PLEKHA7: variants seen among roughly 807,000 people sequenced by gnomAD.
The protein encoded by PLEKHA7 is pleckstrin homology domain containing A7, also known as pleckstrin homology domain-containing family A member 7.
PLEKHA7 carries 104 observed loss-of-function variants against 170.0 expected under a neutral mutation model. That is an observed-to-expected ratio of 0.61 (90% CI 0.52 to 0.72). The LOEUF (loss-of-function observed/expected upper bound fraction) is 0.72. PLEKHA7 is among the 30% of genes least tolerant of loss of function. The pLI is 0.00. For synonymous variants in PLEKHA7, 648 were observed against 660.8 expected (o/e 0.98, Z 0.30); for missense variants, 1,615 against 1,671.7 (o/e 0.97, Z 0.59).
Position 16,823,008 on chromosome 11 carries a change from T to TA in PLEKHA7, c.1343+3111_1343+3112insT, listed in dbSNP as rs4030728. Reference sequence around the variant, plus strand: ...TTATTTATTTATTTATTTATTTATTTTTTGGAGACAGGTTTTTGCTCTATC... The same window carrying TA: ...TTATTTATTTATTTATTTATTTATTTATTTGGAGACAGGTTTTTGCTCTATC... On this transcript the variant is annotated intron_variant, in intron 10 of 26. Transcript: ENST00000531066. 5.3e-5 allele frequency among the ~76,000 whole-genome samples: 8 copies of TA among 151,532 alleles called. No individual in the cohort carries two copies. The East Asian group carries it at 1.2e-3, about 22-fold the overall frequency.
intron 3 of PLEKHA7, among the ~76,000 whole-genome samples, chr11:16,906,224 T>TAGGA (rs199992587): frequency 0.085 from 9,834 of 115,848 alleles, 537 homozygotes; most frequent in East Asian, 0.16. Context: ...TAAAATGAGG[T>TAGGA]AGGAAGGAAG....
In PLEKHA7 at chr11:16,789,963, G is replaced by T. The variant is rs1847722946; in HGVS notation, c.3053-85C>A. On this transcript the variant is annotated intron_variant, in intron 21 of 26. Transcript: ENST00000531066. This position sits in a 1 kb window ranked among gnomAD's most constrained non-coding sequence, Gnocchi z 4.6. ...TCCCTCATCACACATTCTTGCAGGA[G>T]TACCAAGAGCACCCAGTCAATGACC... The T allele has an allele frequency of 1.7e-5, 20 of 1,207,362 alleles. No individual in the cohort carries two copies. Among genetic ancestry groups the T allele is most frequent in the Non-Finnish European group, 2.4e-5 (20 of 823,434 alleles). The allele number at this position is 1,207,362 out of a possible 1,614,324, so 74.8% of individuals were successfully genotyped here. A position where few individuals can be genotyped will look rare whatever the true frequency, so the allele number is the denominator to read the frequency against.
intron 3 of PLEKHA7, among the ~76,000 whole-genome samples, chr11:16,896,676 T>C (rs939550951): frequency 4.6e-5 from 7 of 152,298 alleles, no homozygotes; most frequent in South Asian, 2.1e-4. Context: ...TCTAAATCTA[T>C]AAACTGTGCC....
intron 9 of PLEKHA7, among the ~76,000 whole-genome samples, chr11:16,830,191 C>T (rs1189824117): frequency 6.6e-6 from 1 of 151,826 alleles, no homozygotes; most frequent in Non-Finnish European, 1.5e-5. Flanking sequence ...TCTTTGTTGC[C>T]CAGGCTAGTC....
At chr11:16,916,990 G>A (rs765869405) in intron 3 of PLEKHA7, among the ~76,000 whole-genome samples, 4 of 152,246 alleles carry the variant, frequency 2.6e-5, no homozygotes, top group African/African-American at 4.8e-5. Flanking sequence ...AGGCCGAGGC[G>A]GGTGGATCAA....
chr11:16,888,441 T>C (rs1366542856), intron 3 of PLEKHA7, among the ~76,000 whole-genome samples: 1 of 152,310 alleles, frequency 6.6e-6, no homozygotes, highest in African/African-American at 2.4e-5. Context: ...GGTCGGATTG[T>C]TGCTGTGTCT....
At chr11:16,867,483 C>T (rs73425215) in intron 4 of PLEKHA7, among the ~76,000 whole-genome samples, 5,964 of 152,212 alleles carry the variant, frequency 0.039, 376 homozygotes, top group African/African-American at 0.13. Flanking sequence ...GCCAGTTTTC[C>T]TTTTTCCACC....
At chr11:16,901,332 A>G (rs947449154) in intron 3 of PLEKHA7, among the ~76,000 whole-genome samples, 48 of 152,254 alleles carry the variant, frequency 3.2e-4, no homozygotes, top group African/African-American at 1.1e-3. Context: ...TGAGAGCTCA[A>G]TATTTAATTT....
chr11:16,935,172 C>A (rs941217708), intron 3 of PLEKHA7, among the ~76,000 whole-genome samples: 2 of 152,048 alleles, frequency 1.3e-5, no homozygotes, highest in African/African-American at 4.8e-5. Context: ...TGGTGGCTCA[C>A]GCCTGTAATC....
intron 3 of PLEKHA7, among the ~76,000 whole-genome samples, chr11:16,993,702 C>G (rs1864177800): frequency 6.6e-6 from 1 of 152,236 alleles, no homozygotes; most frequent in Non-Finnish European, 1.5e-5. Context: ...GTCATACCCA[C>G]AACCTCAGTT....
At chr11:16,882,180 A>G (rs1465355102) in intron 3 of PLEKHA7, among the ~76,000 whole-genome samples, 6 of 152,230 alleles carry the variant, frequency 3.9e-5, no homozygotes, top group African/African-American at 1.4e-4. Flanking sequence ...AATGAAAAAA[A>G]TACAAGGGGT....
intron 3 of PLEKHA7, among the ~76,000 whole-genome samples, chr11:16,936,401 C>CAAA (rs57104068): frequency 0.098 from 6,643 of 67,544 alleles, 1,347 homozygotes; most frequent in African/African-American, 0.25. Context: ...GACTCTGTCT[C>CAAA]AAAAAAAAAA....
chr11:16,806,251 C>T (rs1214808212), intron 13 of PLEKHA7, among the ~76,000 whole-genome samples: 1 of 152,202 alleles, frequency 6.6e-6, no homozygotes, highest in Non-Finnish European at 1.5e-5. Context: ...CTCAGAGGAC[C>T]GTTAAGCTTC....
intron 4 of PLEKHA7, among the ~76,000 whole-genome samples, chr11:16,862,073 G>A (rs1471417318): frequency 6.6e-6 from 1 of 152,118 alleles, no homozygotes; most frequent in Non-Finnish European, 1.5e-5. Flanking sequence ...CAACAGCCTG[G>A]GGGAGGCTGT....
At chr11:16,900,467 A>T (rs1458944309) in intron 3 of PLEKHA7, among the ~76,000 whole-genome samples, 1 of 152,238 alleles carries the variant, frequency 6.6e-6, no homozygotes, top group Non-Finnish European at 1.5e-5. Flanking sequence ...ATAAGCAATT[A>T]TACTTGGACA....
chr11:16,917,661 A>G (rs1226525435), intron 3 of PLEKHA7, among the ~76,000 whole-genome samples: 1 of 152,226 alleles, frequency 6.6e-6, no homozygotes, highest in African/African-American at 2.4e-5. Flanking sequence ...ATCCAGAATG[A>G]TCTTCCCATC....
In PLEKHA7 at chr11:16,801,831, G is replaced by A. The variant is rs539239120; in HGVS notation, c.2158-14C>T. On this transcript the variant is annotated splice_polypyrimidine_tract_variant and intron_variant, in intron 15 of 26. Transcript: ENST00000531066. ...TTCTAGCTGGTCCTGCACCACGAAG[G>A]GCCAAAAAACAGCAGGATAGGAGGA... 281 of 1,613,214 alleles carry A rather than the reference G, an allele frequency of 1.7e-4. 2 individuals are homozygous for A. The South Asian group carries it at 3.0e-3, about 17-fold the overall frequency.
Position 16,777,854 on chromosome 11 carries a change from C to CA in PLEKHA7, c.*1143dup, listed in dbSNP as rs1389234501. 1 of 152,234 alleles carries CA rather than the reference C, an allele frequency of 6.6e-6. No homozygotes were observed. Among genetic ancestry groups the CA allele is most frequent in the Non-Finnish European group, 1.5e-5 (1 of 68,046 alleles). 9.4% of individuals were successfully genotyped at this position (152,234 alleles called of 1,614,324 possible). ...TCCAAGGGCAGGCAGCAAAGGTTCC[C>CA]ATCATGGCCTGGTTAGAGGGAAGGG... On this transcript the variant is annotated 3_prime_UTR_variant, in exon 27 of 27. Transcript: ENST00000531066.
chr11:16,911,699 T>C lies in PLEKHA7; in HGVS notation c.222-40517A>G, dbSNP rs187444843. On this transcript the variant is annotated intron_variant, in intron 3 of 26. Coordinates refer to ENST00000531066, the MANE Select transcript of PLEKHA7 (RefSeq NM_001329630.2). ...CACTCACTGCAGGCACCCACCTCTT[T>C]GACCTGTCTTCTAGACCCAAACTGA... Among the ~76,000 whole-genome samples the C allele has an allele frequency of 3.9e-5, 6 of 152,210 alleles. No individual in the cohort carries two copies. The East Asian group carries it at 1.2e-3, about 29-fold the overall frequency.
Sources: allele counts gnomAD v4.1 joint callset (sites outside exome capture counted in the v4.1 genomes callset), GRCh38; gene constraint gnomAD v4.1.1; non-coding constraint Gnocchi (gnomAD v3.1); transcripts MANE v1.5; gene names NCBI Gene and HGNC (gene_info 2026-07-23, HGNC 2026-07-21).